The following GLIS3 variants were observed in gnomAD, a reference collection of about 807,000 sequenced individuals.
GLIS3 encodes GLIS family zinc finger 3.
A neutral mutation model predicts 78.6 loss-of-function variants in GLIS3; 53 were observed. The observed-to-expected ratio is 0.67, with a 90% CI of 0.54 to 0.85. The LOEUF (loss-of-function observed/expected upper bound fraction) is 0.85, where lower values mean the gene tolerates loss of function less well. GLIS3 is among the 40% of genes least tolerant of loss of function. The pLI, the probability that GLIS3 is intolerant of heterozygous loss-of-function variation, is 0.00. For synonymous variants in GLIS3, 684 were observed against 509.9 expected (o/e 1.34, Z -4.60); for missense variants, 1,703 against 1,231.1 (o/e 1.38, Z -5.74).
chr9:4,265,070 G>A (rs1204466688), intron 2 of GLIS3, among the ~76,000 whole-genome samples: 3 of 151,542 alleles, frequency 2.0e-5, no homozygotes, highest in African/African-American at 2.4e-5. Flanking sequence ...TACTCGGGAG[G>A]CTGAGGCAGG....
chr9:4,434,094 CAA>C, the GLIS3 span, among the ~76,000 whole-genome samples: 10 of 100,176 alleles, frequency 1.0e-4, no homozygotes, highest in Admixed American at 5.2e-4. Flanking sequence ...GACTCTGTCT[CAA>C]AAAAAAAAAA....
chr9:4,129,837 G>C (rs995374691), intron 2 of GLIS3, among the ~76,000 whole-genome samples: 1 of 152,148 alleles, frequency 6.6e-6, no homozygotes, highest in South Asian at 2.1e-4. Flanking sequence ...AAAGAGTGTG[G>C]AGGACTCAGA....
At chr9:4,157,030 G>C (rs1286716052) in intron 2 of GLIS3, among the ~76,000 whole-genome samples, 1 of 152,192 alleles carries the variant, frequency 6.6e-6, no homozygotes, top group South Asian at 2.1e-4. Context: ...TCTAACATCT[G>C]TCACAGTCCC....
the GLIS3 span, among the ~76,000 whole-genome samples, chr9:4,399,882 T>C: frequency 4.0e-3 from 614 of 152,160 alleles, 1 homozygote; most frequent in African/African-American, 0.014. Flanking sequence ...GAGGGAAAAA[T>C]ATTTAAGCAG....
the GLIS3 span, among the ~76,000 whole-genome samples, chr9:4,398,689 T>A: frequency 6.6e-6 from 1 of 151,970 alleles, no homozygotes; most frequent in African/African-American, 2.4e-5. Flanking sequence ...CTTTTGTTGT[T>A]GTTGTTGTAT....
intron 2 of GLIS3, among the ~76,000 whole-genome samples, chr9:4,152,763 C>A (rs1473373283): frequency 6.6e-6 from 1 of 151,866 alleles, no homozygotes; most frequent in Non-Finnish European, 1.5e-5. Context: ...TTCTTATATA[C>A]CATCAATTAT....
chr9:4,156,805 A>C (rs1222642720), intron 2 of GLIS3, among the ~76,000 whole-genome samples: 2 of 152,132 alleles, frequency 1.3e-5, no homozygotes, highest in Non-Finnish European at 2.9e-5. Context: ...ACAAAAGGGT[A>C]TATGATAAGA....
chr9:4,376,908 T>C, the GLIS3 span, among the ~76,000 whole-genome samples: 2 of 134,784 alleles, frequency 1.5e-5, 1 homozygote, highest in Non-Finnish European at 3.3e-5. Flanking sequence ...TTTGAGCCAC[T>C]GATTCCACTG....
the GLIS3 span, among the ~76,000 whole-genome samples, chr9:4,395,052 C>A: frequency 3.9e-5 from 6 of 152,070 alleles, no homozygotes; most frequent in African/African-American, 1.4e-4. Flanking sequence ...TAATGGTGTA[C>A]AATGTTTTCT....
chr9:4,398,220 T>A, the GLIS3 span, among the ~76,000 whole-genome samples: 5 of 152,120 alleles, frequency 3.3e-5, no homozygotes, highest in East Asian at 9.7e-4. Flanking sequence ...TGAGGCATAT[T>A]TTTTTTAATA....
intron 4 of GLIS3, among the ~76,000 whole-genome samples, chr9:4,022,191 T>G (rs1354769924): frequency 6.6e-6 from 1 of 152,202 alleles, no homozygotes; most frequent in Non-Finnish European, 1.5e-5. Context: ...TCATCCCTAT[T>G]TCACAGGTAA....
intron 2 of GLIS3, among the ~76,000 whole-genome samples, chr9:4,172,384 T>G (rs781637106): frequency 2.6e-5 from 4 of 152,228 alleles, no homozygotes; most frequent in Non-Finnish European, 4.4e-5. Context: ...CCATACTGAG[T>G]AAGACACATG....
At chr9:3,894,859 C>T (rs927607013) in intron 7 of GLIS3, among the ~76,000 whole-genome samples, 17 of 152,202 alleles carry the variant, frequency 1.1e-4, no homozygotes, top group African/African-American at 4.1e-4. Context: ...TCGTAGATTT[C>T]TCTTGTTCCA....
the GLIS3 span, among the ~76,000 whole-genome samples, chr9:4,485,319 G>A: frequency 6.6e-6 from 1 of 152,002 alleles, no homozygotes; most frequent in East Asian, 1.9e-4. Context: ...TCAGCCCTAA[G>A]GTTGGTCTTC....
intron 2 of GLIS3, among the ~76,000 whole-genome samples, chr9:4,316,995 A>G (rs1033746145): frequency 3.3e-5 from 5 of 152,172 alleles, no homozygotes; most frequent in African/African-American, 1.2e-4. Flanking sequence ...CTAAGAACCT[A>G]TTGACAATGT....
At chr9:3,847,324 C>T (rs891960554) in intron 9 of GLIS3, among the ~76,000 whole-genome samples, 3 of 152,140 alleles carry the variant, frequency 2.0e-5, no homozygotes, top group African/African-American at 7.2e-5. Flanking sequence ...AGGACTGGCT[C>T]TGCCAATCAG....
the GLIS3 span, among the ~76,000 whole-genome samples, chr9:4,453,345 C>CAAAAAAAAAAAAAAAAAAAAAA: frequency 2.2e-5 from 2 of 91,674 alleles, no homozygotes; most frequent in Non-Finnish European, 4.4e-5. Context: ...TTCTGCACAG[C>CAAAAAAAAAAAAAAAAAAAAAA]AAAAAAAAAA....
chr9:4,158,662 A>G (rs748682514), intron 2 of GLIS3, among the ~76,000 whole-genome samples: 1 of 152,248 alleles, frequency 6.6e-6, no homozygotes, highest in Admixed American at 6.5e-5. Flanking sequence ...TTGTCCATCC[A>G]TTAATTCAAT....
chr9:4,413,799 A>T, the GLIS3 span, among the ~76,000 whole-genome samples: 1 of 152,116 alleles, frequency 6.6e-6, no homozygotes, highest in Non-Finnish European at 1.5e-5. Flanking sequence ...AAAAACCCCA[A>T]AAGAGCCAGT....
Sources: gnomAD v4.1 joint callset for allele counts (sites outside exome capture counted in the v4.1 genomes callset) on GRCh38, gnomAD v4.1.1 for gene constraint, MANE v1.5 for transcripts, NCBI Gene and HGNC (gene_info 2026-07-23, HGNC 2026-07-21) for gene names.